Variants in SHISA6 observed in about 807,000 individuals in gnomAD.
SHISA6 encodes the protein shisa family member 6.
In SHISA6, 22 loss-of-function variants were observed where a neutral mutation model predicts 47.9. The observed-to-expected ratio is 0.46, with a 90% CI of 0.33 to 0.66. The LOEUF is 0.66. Ranked by LOEUF, SHISA6 falls within the 30% of genes least tolerant of loss-of-function variation. The probability of loss-of-function intolerance (pLI) is 0.02; values close to 1 mark genes in which losing one functional copy is unlikely to be tolerated. For missense variants in SHISA6, 680 were observed against 764.6 expected (o/e 0.89, Z 1.30); for synonymous variants, 388 against 337.8 (o/e 1.15, Z -1.63).
At chr17:11,308,352 T>C (rs1910201177) in intron 2 of SHISA6, among the ~76,000 whole-genome samples, 1 of 152,122 alleles carries the variant, frequency 6.6e-6, no homozygotes, top group Non-Finnish European at 1.5e-5. Flanking sequence ...CACACAAACA[T>C]CTGCCTCTGC....
intron 3 of SHISA6, among the ~76,000 whole-genome samples, chr17:11,502,763 G>C (rs2969186): frequency 0.72 from 109,024 of 151,866 alleles, 39,275 homozygotes; most frequent in East Asian, 0.87. Flanking sequence ...ATCCTGTTTG[G>C]CAGGCACTGG....
chr17:11,330,359 T>G (rs992431905), intron 2 of SHISA6, among the ~76,000 whole-genome samples: 7 of 152,072 alleles, frequency 4.6e-5, no homozygotes, highest in Admixed American at 4.6e-4. Context: ...GATGAAAAGC[T>G]CACATCTGTT....
chr17:11,326,600 G>A (rs929615561), intron 2 of SHISA6, among the ~76,000 whole-genome samples: 6 of 152,256 alleles, frequency 3.9e-5, no homozygotes, highest in Admixed American at 6.5e-5. Context: ...TCAACCTTCC[G>A]AATCCTAGAC....
intron 2 of SHISA6, among the ~76,000 whole-genome samples, chr17:11,354,227 G>A (rs966178828): frequency 8.5e-5 from 13 of 152,154 alleles, no homozygotes; most frequent in Non-Finnish European, 1.6e-4. Flanking sequence ...GAATCATCTG[G>A]GGACCTTGTT....
chr17:11,299,084 C>T (rs1389782070), intron 2 of SHISA6, among the ~76,000 whole-genome samples: 1 of 152,172 alleles, frequency 6.6e-6, no homozygotes, highest in Non-Finnish European at 1.5e-5. Context: ...TCTGTAGCTC[C>T]CATGTCCCTT....
At chr17:11,299,318 A>G (rs1909847314) in intron 2 of SHISA6, among the ~76,000 whole-genome samples, 1 of 152,026 alleles carries the variant, frequency 6.6e-6, no homozygotes, top group Non-Finnish European at 1.5e-5. Flanking sequence ...TATTACATTT[A>G]ATTGTCCTGA....
chr17:11,553,956 G>C (rs1034960230), intron 4 of SHISA6, among the ~76,000 whole-genome samples: 1 of 152,202 alleles, frequency 6.6e-6, no homozygotes, highest in African/African-American at 2.4e-5. Context: ...ATTTCTATAG[G>C]AGGGAGAGTA....
At position 11,398,468 on chromosome 17, in the gene SHISA6, C is replaced by T. The variant is rs576938274; in HGVS notation, c.895+18959C>T. Reference sequence around the variant, plus strand: ...TTCTTTCCCTATTTTACTTTCTTCTCATTCAGAAGACTGTTACTTTGAGTT... The same window carrying T: ...TTCTTTCCCTATTTTACTTTCTTCTTATTCAGAAGACTGTTACTTTGAGTT... On this transcript the variant is annotated intron_variant, in intron 3 of 5. Transcript: ENST00000441885. Among the ~76,000 whole-genome samples the T allele has an allele frequency of 3.3e-5, 5 of 152,278 alleles. No individual in the cohort carries two copies. The South Asian group carries it at 6.2e-4, about 19-fold the overall frequency.
At chr17:11,273,691 T>C (rs1567556990) in intron 2 of SHISA6, among the ~76,000 whole-genome samples, 2 of 151,954 alleles carry the variant, frequency 1.3e-5, no homozygotes, top group Non-Finnish European at 2.9e-5. Flanking sequence ...CCCCTCCCAG[T>C]AGATAGGAGG....
At chr17:11,428,411 C>A (rs1176187359) in intron 3 of SHISA6, among the ~76,000 whole-genome samples, 7 of 152,160 alleles carry the variant, frequency 4.6e-5, no homozygotes, top group African/African-American at 1.7e-4. Flanking sequence ...CTGAGCATGG[C>A]CACACCAGAT....
rs559713118 is a variant in SHISA6 at position 11,466,532 on chromosome 17, C to A, written c.896-85364C>A. ...ACATCCTCAGGGCTTACTGTTCAGC[C>A]TGCCACCAGTGGGTGTGCCCCATTC... On this transcript the variant is annotated intron_variant, in intron 3 of 5. Transcript: ENST00000441885. Among the ~76,000 whole-genome samples, 19 of 152,286 alleles carry A rather than the reference C, an allele frequency of 1.2e-4. No individual in the cohort carries two copies. The East Asian group carries it at 3.3e-3, about 26-fold the overall frequency.
At chr17:11,436,066 C>A (rs1914929783) in intron 3 of SHISA6, among the ~76,000 whole-genome samples, 1 of 152,144 alleles carries the variant, frequency 6.6e-6, no homozygotes, top group Admixed American at 6.5e-5. Context: ...CTGAGGGTAA[C>A]CTGCAACCGA....
chr17:11,257,671 AAG>A (rs1908069408), intron 1 of SHISA6, among the ~76,000 whole-genome samples: 1 of 151,592 alleles, frequency 6.6e-6, no homozygotes, highest in Admixed American at 6.6e-5. Flanking sequence ...AAAAAAAAAA[AAG>A]AAAAAAAGAA....
rs1390770747 is a variant in SHISA6, at chr17:11,558,144, C to T, written c.1496C>T (p.Pro499Leu). The T allele has an allele frequency of 8.4e-6, 13 of 1,550,516 alleles. No homozygotes were observed. Among genetic ancestry groups the T allele is most frequent in the Non-Finnish European group, 1.1e-5 (13 of 1,147,006 alleles). The change falls in exon 6 of 6, where the codon CCC becomes CTC. Residue 499 changes from proline to leucine, a missense_variant. Around this residue, in one of 2 missense-constraint regions of SHISA6, gnomAD observed 559 missense variants for 674.1 expected, o/e 0.83. Transcript: ENST00000441885. ...CGCATGAGCAAGATGCACTCTCATCCCAGTGCCTCCAATAACTCATACGCC... is the reference window on the plus strand; with the variant it reads ...CGCATGAGCAAGATGCACTCTCATCTCAGTGCCTCCAATAACTCATACGCC... ...RYRMSKMHSH[P>L]SASNNSYATL...
intron 3 of SHISA6, among the ~76,000 whole-genome samples, chr17:11,475,197 A>G (rs1916024126): frequency 6.6e-6 from 1 of 152,014 alleles, no homozygotes; most frequent in Non-Finnish European, 1.5e-5. Context: ...AATCTTCTCA[A>G]TTTTCTATGT....
intron 5 of SHISA6, 141 bp downstream of exon 5, chr17:11,556,033 A>C (rs1297031353): frequency 8.9e-7 from 1 of 1,124,068 alleles, no homozygotes; most frequent in Admixed American, 3.5e-5. Context: ...GAGAGAAGAG[A>C]ATAGACAAGC....
At chr17:11,330,486 T>TA (rs1388645966) in intron 2 of SHISA6, among the ~76,000 whole-genome samples, 2 of 30,218 alleles carry the variant, frequency 6.6e-5, no homozygotes, top group African/African-American at 9.0e-5. Context: ...AGAGTAATGC[T>TA]AGGGAGAGAG....
At chr17:11,556,254 C>A (rs1222861387) in intron 5 of SHISA6, among the ~76,000 whole-genome samples, 1 of 152,126 alleles carries the variant, frequency 6.6e-6, no homozygotes, top group Admixed American at 6.5e-5. Context: ...TGGATAGAGG[C>A]TAGCAATGGC....
intron 2 of SHISA6, among the ~76,000 whole-genome samples, chr17:11,374,514 G>A (rs1419261219): frequency 2.6e-5 from 4 of 151,306 alleles, no homozygotes; most frequent in Admixed American, 6.6e-5. Flanking sequence ...TTCTGTGTAT[G>A]TGTTTTTGTG....
Sources: gnomAD v4.1 joint callset for allele counts (sites outside exome capture counted in the v4.1 genomes callset) on GRCh38, gnomAD v4.1.1 for gene constraint, gnomAD v4.1.1 regional missense constraint, MANE v1.5 for transcripts, NCBI Gene and HGNC (gene_info 2026-07-23, HGNC 2026-07-21) for gene names.